Variants in HOMER2 observed in about 807,000 individuals in gnomAD.
The protein encoded by HOMER2 is homer protein homolog 2.
Under a neutral mutation model 47.0 loss-of-function variants are expected in HOMER2, and 27 were observed. The ratio of observed to expected loss-of-function variants is 0.57; its 90% confidence interval spans 0.42 to 0.79. HOMER2 has a LOEUF of 0.79. Among genes scored for constraint, HOMER2 ranks in the 30% least tolerant of loss-of-function variants. The pLI, the probability that HOMER2 is intolerant of heterozygous loss-of-function variation, is 0.00. For missense variants in HOMER2, 443 were observed against 435.0 expected, an observed-to-expected ratio of 1.02 and a Z score of -0.16; for synonymous variants, 161 against 163.8, an observed-to-expected ratio of 0.98 and a Z score of 0.13.
intron 1 of HOMER2, among the ~76,000 whole-genome samples, chr15:82,944,112 T>C (rs1168841521): frequency 6.6e-6 from 1 of 152,240 alleles, no homozygotes; most frequent in Non-Finnish European, 1.5e-5. Flanking sequence ...CATATTTTTA[T>C]TCTAACAAGC....
chr15:82,874,282 G>A (rs1447159403), intron 3 of HOMER2, among the ~76,000 whole-genome samples: 1 of 152,166 alleles, frequency 6.6e-6, no homozygotes, highest in East Asian at 1.9e-4. Context: ...CCTTCCCTGG[G>A]TTTGCAGCTC....
chr15:82,921,586 G>A (rs1819484833), intron 1 of HOMER2, among the ~76,000 whole-genome samples: 1 of 152,088 alleles, frequency 6.6e-6, no homozygotes, highest in Non-Finnish European at 1.5e-5. Flanking sequence ...CCCCCATCCC[G>A]CTGATATGCA....
At chr15:82,845,262 G>A (rs866264003), downstream of HOMER2, 963 of 111,016 alleles carry the variant, frequency 8.7e-3, 14 homozygotes, top group African/African-American at 0.03. Context: ...ACACACACAC[G>A]CGTGCGCACA....
intron 1 of HOMER2, among the ~76,000 whole-genome samples, chr15:82,925,374 G>A (rs976712881): frequency 1.3e-5 from 2 of 152,100 alleles, no homozygotes; most frequent in Non-Finnish European, 2.9e-5. Context: ...ACCTCCATGT[G>A]GTCCCCTGGG....
downstream of HOMER2, chr15:82,836,892 A>G (rs1271394284): frequency 6.6e-6 from 1 of 152,298 alleles, no homozygotes; most frequent in Non-Finnish European, 1.5e-5. Flanking sequence ...GTAAAAGCAC[A>G]TGAGAGTGCA....
rs976066709 is a variant in HOMER2 at position 82,952,507 on chromosome 15, AGC to A, written c.5+22_5+23del. 48 of 1,186,414 alleles carry A rather than the reference AGC, an allele frequency of 4.0e-5. No homozygotes were observed. The African/African-American group carries it at 7.2e-4, about 18-fold the overall frequency. 73.5% of individuals were successfully genotyped at this position (1,186,414 alleles called of 1,614,324 possible). On this transcript the variant is annotated intron_variant, in intron 1 of 8. Coordinates refer to ENST00000450735, the MANE Select transcript of HOMER2 (RefSeq NM_004839.4). ...AGTCCCTCCGGAGGGGCGCGCGGAG[AGC>A]GCGCGGCGCGGGCTCACTCACCCCA...
intron 1 of HOMER2, among the ~76,000 whole-genome samples, chr15:82,960,416 G>T (rs999944183): frequency 8.5e-5 from 13 of 152,188 alleles, no homozygotes; most frequent in South Asian, 2.1e-4. Flanking sequence ...TGGGGCTGAG[G>T]GTGATATTGA....
At chr15:82,964,224 C>T (rs918047507) in intron 1 of HOMER2, among the ~76,000 whole-genome samples, 2 of 152,168 alleles carry the variant, frequency 1.3e-5, no homozygotes, top group South Asian at 2.1e-4. Context: ...ACAGGCTTGC[C>T]GAATGAAGCC....
rs73447001 is a variant in HOMER2 at position 82,919,837 on chromosome 15, A to G, written c.6-26996T>C. Reference sequence around the variant, plus strand: ...CAGAGAGAAGCTTCTCCTTTCTAGCACTCTCCCAGTTGTTCAAAAGCAGGC... The same window carrying G: ...CAGAGAGAAGCTTCTCCTTTCTAGCGCTCTCCCAGTTGTTCAAAAGCAGGC... On this transcript the variant is annotated intron_variant, in intron 1 of 8. Coordinates refer to ENST00000450735, the MANE Select transcript of HOMER2 (RefSeq NM_004839.4). 9.5e-3 allele frequency among the ~76,000 whole-genome samples: 1,449 copies of G among 152,006 alleles called. 29 individuals are homozygous for G. The highest frequency in any genetic ancestry group is 0.034 in the African/African-American group (1,397 of 41,426).
At chr15:82,970,220 G>A (rs2151256962) in intron 1 of HOMER2, among the ~76,000 whole-genome samples, 1 of 152,316 alleles carries the variant, frequency 6.6e-6, no homozygotes, top group Non-Finnish European at 1.5e-5. Context: ...TGAGGCAGGG[G>A]GAGGACAGAG....
At chr15:82,894,348 G>A (rs559044484) in intron 1 of HOMER2, among the ~76,000 whole-genome samples, 23 of 152,106 alleles carry the variant, frequency 1.5e-4, no homozygotes, top group Non-Finnish European at 2.8e-4. Context: ...TTTGAAGAAA[G>A]CATCTTTACA....
At chr15:82,925,574 C>A (rs2053834269) in intron 1 of HOMER2, among the ~76,000 whole-genome samples, 1 of 152,174 alleles carries the variant, frequency 6.6e-6, no homozygotes, top group Non-Finnish European at 1.5e-5. Context: ...CATTCAGCCC[C>A]CAGAACTGTT....
chr15:82,893,329 C>CTTTTTTTT (rs771392216), intron 1 of HOMER2, among the ~76,000 whole-genome samples: 4 of 118,954 alleles, frequency 3.4e-5, no homozygotes, highest in African/African-American at 9.6e-5. Context: ...ATAATTTTAT[C>CTTTTTTTT]TTTTTTTTTT....
At chr15:82,977,096 T>G (rs1044143920) in intron 1 of HOMER2, among the ~76,000 whole-genome samples, 8 of 152,138 alleles carry the variant, frequency 5.3e-5, no homozygotes, top group African/African-American at 1.9e-4. Context: ...GGATTATACC[T>G]GAACACAAAT....
At chr15:82,910,351 C>A (rs112691847) in intron 1 of HOMER2, among the ~76,000 whole-genome samples, 1 of 152,006 alleles carries the variant, frequency 6.6e-6, no homozygotes, top group Non-Finnish European at 1.5e-5. Flanking sequence ...AAAGAAGGAA[C>A]GCTGCCGAGG....
intron 1 of HOMER2, among the ~76,000 whole-genome samples, chr15:82,931,420 G>C (rs554243263): frequency 8.1e-4 from 123 of 152,140 alleles, no homozygotes; most frequent in African/African-American, 2.8e-3. Flanking sequence ...GAGAAGCCAA[G>C]GAGTAGCTTT....
intron 1 of HOMER2, among the ~76,000 whole-genome samples, chr15:82,967,543 G>A (rs1045939827): frequency 2.0e-5 from 3 of 152,066 alleles, no homozygotes; most frequent in African/African-American, 7.2e-5. Context: ...TTATTATGCT[G>A]TTCTACTTCT....
intron 1 of HOMER2, among the ~76,000 whole-genome samples, chr15:82,935,007 T>C (rs570559715): frequency 4.6e-5 from 7 of 152,242 alleles, no homozygotes; most frequent in African/African-American, 1.7e-4. Flanking sequence ...CCTGCATCTC[T>C]GTCATGGTGG....
At chr15:82,864,360 A>G in intron 3 of HOMER2, 101 bp from the exon 4 acceptor site, 1 of 695,478 alleles carries the variant, frequency 1.4e-6, no homozygotes, top group Non-Finnish European at 2.4e-6. Context: ...AGGCCCATAC[A>G]TTCTGTATAA....
Sources: allele counts gnomAD v4.1 joint callset (sites outside exome capture counted in the v4.1 genomes callset), GRCh38; gene constraint gnomAD v4.1.1; transcripts MANE v1.5; gene names NCBI Gene and HGNC (gene_info 2026-07-23, HGNC 2026-07-21).